SGCZ: variants seen among roughly 807,000 people sequenced by gnomAD.
The protein encoded by SGCZ is sarcoglycan zeta, also known as zeta-sarcoglycan.
Under a neutral mutation model 41.3 loss-of-function variants are expected in SGCZ, and 40 were observed. That is an observed-to-expected ratio of 0.97 (90% CI 0.75 to 1.26). The LOEUF (loss-of-function observed/expected upper bound fraction) is 1.26, where lower values mean the gene tolerates loss of function less well. Among genes scored for constraint, SGCZ ranks in the 50% most tolerant of loss-of-function variants. SGCZ has a pLI of 0.00. For missense variants in SGCZ, 552 were observed against 369.8 expected (o/e 1.49, Z -4.04); for synonymous variants, 206 against 137.5 (o/e 1.50, Z -3.49).
rs530664751 is a variant in SGCZ, at chr8:14,711,957, C to T, written c.40-157031G>A. On this transcript the variant is annotated intron_variant, in intron 1 of 7. Transcript: ENST00000382080. ...ATCCAACTCAGTGCAAATCTTCACA[C>T]CCTACAAAATCAAAACTAAAGCTTA... Among the ~76,000 whole-genome samples, 5 of 152,144 alleles carry T rather than the reference C, an allele frequency of 3.3e-5. No homozygotes were observed. In the South Asian group the frequency reaches 1.0e-3, roughly 32 times the overall value.
At position 15,063,168 on chromosome 8, in the gene SGCZ, G is replaced by A. The variant is rs188954657; in HGVS notation, c.39+174417C>T. On this transcript the variant is annotated intron_variant, in intron 1 of 7. Transcript: ENST00000382080. ...GCTATGTATGATTTCCCACTAGTTC[G>A]ATAGACTTCATTTTCTTTGGAACTT... Among the ~76,000 whole-genome samples, 9 of 152,178 alleles carry A rather than the reference G, an allele frequency of 5.9e-5. 1 individual carries two copies. The East Asian group carries it at 7.7e-4, about 13-fold the overall frequency.
At chr8:15,041,951 A>G (rs1256420014) in intron 1 of SGCZ, among the ~76,000 whole-genome samples, 1 of 152,284 alleles carries the variant, frequency 6.6e-6, no homozygotes, top group East Asian at 1.9e-4. Flanking sequence ...TCTACCATAC[A>G]ACACAACGCT....
At chr8:14,372,864 G>C (rs1438493727) in intron 2 of SGCZ, among the ~76,000 whole-genome samples, 2 of 152,076 alleles carry the variant, frequency 1.3e-5, no homozygotes, top group Admixed American at 6.6e-5. Flanking sequence ...AGCAGTAGCA[G>C]TTCACGAGGG....
At chr8:14,778,681 T>A (rs904425016) in intron 1 of SGCZ, among the ~76,000 whole-genome samples, 1 of 152,190 alleles carries the variant, frequency 6.6e-6, no homozygotes, top group Non-Finnish European at 1.5e-5. Context: ...AATCAATATT[T>A]CAATGACGAG....
chr8:14,682,213 C>T (rs1483105006), intron 1 of SGCZ, among the ~76,000 whole-genome samples: 1 of 151,968 alleles, frequency 6.6e-6, no homozygotes, highest in Non-Finnish European at 1.5e-5. Flanking sequence ...ATGGGAAATA[C>T]AGGAAACTTT....
intron 1 of SGCZ, among the ~76,000 whole-genome samples, chr8:14,681,781 G>A (rs1251650552): frequency 1.3e-5 from 2 of 152,008 alleles, no homozygotes; most frequent in Non-Finnish European, 2.9e-5. Flanking sequence ...AGAGGTCTCT[G>A]CATGTTTTTT....
At chr8:15,057,066 A>C (rs570275700) in intron 1 of SGCZ, among the ~76,000 whole-genome samples, 1 of 152,134 alleles carries the variant, frequency 6.6e-6, no homozygotes, top group African/African-American at 2.4e-5. Flanking sequence ...AGTGCCCTTA[A>C]TTGGGTGCAC....
chr8:14,237,144 A>T (rs1806791383), intron 4 of SGCZ, among the ~76,000 whole-genome samples: 1 of 152,166 alleles, frequency 6.6e-6, no homozygotes, highest in Non-Finnish European at 1.5e-5. Flanking sequence ...AATTTAACAT[A>T]TGCTATGAAA....
At chr8:14,267,469 T>C (rs1430016153) in intron 3 of SGCZ, among the ~76,000 whole-genome samples, 1 of 152,114 alleles carries the variant, frequency 6.6e-6, no homozygotes, top group East Asian at 1.9e-4. Context: ...TGGACATTAA[T>C]GGTGTTACAT....
intron 4 of SGCZ, among the ~76,000 whole-genome samples, chr8:14,174,677 G>T (rs1804489881): frequency 6.6e-6 from 1 of 152,076 alleles, no homozygotes; most frequent in Non-Finnish European, 1.5e-5. Context: ...ACCTAATACT[G>T]ACCTCTCAAT....
intron 1 of SGCZ, among the ~76,000 whole-genome samples, chr8:14,597,020 A>G (rs1326786512): frequency 6.6e-6 from 1 of 152,194 alleles, no homozygotes; most frequent in Non-Finnish European, 1.5e-5. Flanking sequence ...TGAACAACTC[A>G]TAACTTCCTC....
chr8:14,796,564 T>G (rs935665841), intron 1 of SGCZ, among the ~76,000 whole-genome samples: 4 of 152,226 alleles, frequency 2.6e-5, no homozygotes, highest in Admixed American at 6.5e-5. Context: ...GTCTTATGAC[T>G]CAATGAAGAT....
chr8:14,217,937 A>G (rs967724705), intron 4 of SGCZ, among the ~76,000 whole-genome samples: 2 of 152,028 alleles, frequency 1.3e-5, no homozygotes, highest in African/African-American at 2.4e-5. Flanking sequence ...GGCCAACTAA[A>G]GATTTTTTTA....
chr8:14,783,717 G>A (rs1800661987), intron 1 of SGCZ, among the ~76,000 whole-genome samples: 1 of 151,982 alleles, frequency 6.6e-6, no homozygotes, highest in Non-Finnish European at 1.5e-5. Context: ...TGCTGTTGTT[G>A]TTTGTTTTTC....
intron 2 of SGCZ, among the ~76,000 whole-genome samples, chr8:14,410,663 G>A (rs1431800440): frequency 1.3e-5 from 2 of 152,076 alleles, no homozygotes; most frequent in African/African-American, 4.8e-5. Context: ...AAGGCATGCA[G>A]GCCTTAAAAC....
intron 2 of SGCZ, among the ~76,000 whole-genome samples, chr8:14,333,480 C>T (rs961813142): frequency 4.0e-5 from 6 of 151,890 alleles, no homozygotes; most frequent in African/African-American, 1.5e-4. Context: ...CTTGTCTTTC[C>T]CAACTGTGCT....
intron 2 of SGCZ, among the ~76,000 whole-genome samples, chr8:14,362,096 T>A (rs1314042125): frequency 6.6e-6 from 1 of 152,130 alleles, no homozygotes; most frequent in Non-Finnish European, 1.5e-5. Flanking sequence ...GAGGTGTCTG[T>A]CAGCCCCTAC....
At chr8:15,198,107 G>A (rs561080889) in intron 1 of SGCZ, among the ~76,000 whole-genome samples, 1 of 149,040 alleles carries the variant, frequency 6.7e-6, no homozygotes, top group African/African-American at 2.4e-5. Context: ...TATAATTAAT[G>A]ATATAATTAT....
At chr8:14,432,474 G>C (rs1799969670) in intron 2 of SGCZ, among the ~76,000 whole-genome samples, 1 of 152,186 alleles carries the variant, frequency 6.6e-6, no homozygotes, top group African/African-American at 2.4e-5. Context: ...TGGGAACTAA[G>C]CTATGCATAT....
Sources: allele counts gnomAD v4.1 joint callset (sites outside exome capture counted in the v4.1 genomes callset), GRCh38; gene constraint gnomAD v4.1.1; transcripts MANE v1.5; gene names NCBI Gene and HGNC (gene_info 2026-07-23, HGNC 2026-07-21).